The following MAPK10 variants were observed in gnomAD, a reference collection of about 807,000 sequenced individuals.
MAPK10 encodes the protein JNK3 alpha protein kinase.
Under a neutral mutation model 59.3 loss-of-function variants are expected in MAPK10, and 25 were observed. The ratio of observed to expected loss-of-function variants is 0.42; its 90% CI spans 0.31 to 0.59. The LOEUF (loss-of-function observed/expected upper bound fraction) is 0.59, where lower values mean the gene tolerates loss of function less well. MAPK10 is among the 20% of genes least tolerant of loss of function. The pLI is 0.15. For missense variants in MAPK10, 351 were observed against 568.9 expected (o/e 0.62, Z 3.90); for synonymous variants, 190 against 200.5 (o/e 0.95, Z 0.44).
chr4:86,123,642 A>T (rs1414843778), intron 4 of MAPK10: 2 of 152,058 alleles, frequency 1.3e-5, no homozygotes, highest in Non-Finnish European at 2.9e-5. Context: ...ATTGGATTAC[A>T]ATCAATATGC....
chr4:86,031,492 C>A (rs1312354435), intron 11 of MAPK10, 61 bp from the exon 12 acceptor site: 10 of 1,172,364 alleles, frequency 8.5e-6, no homozygotes, highest in Admixed American at 5.2e-5. Flanking sequence ...TAAACTCTTA[C>A]AATGCACGAG....
chr4:86,393,360 C>A (rs1742489824), intron 1 of MAPK10, among the ~76,000 whole-genome samples: 1 of 150,196 alleles, frequency 6.7e-6, no homozygotes, highest in African/African-American at 2.5e-5. Context: ...AGGAAAATAA[C>A]TATTGTAAAC....
upstream of MAPK10, among the ~76,000 whole-genome samples, chr4:86,455,739 G>T (rs1751169323): frequency 6.6e-6 from 1 of 152,104 alleles, no homozygotes; most frequent in African/African-American, 2.4e-5. Context: ...GACAGCACTA[G>T]ACAGGACATC....
intron 1 of MAPK10, among the ~76,000 whole-genome samples, chr4:86,541,501 A>G (rs1033533218): frequency 2.0e-5 from 3 of 152,188 alleles, no homozygotes; most frequent in African/African-American, 7.2e-5. Context: ...TAGAAAGGAA[A>G]AATCTTGAGA....
intron 1 of MAPK10, among the ~76,000 whole-genome samples, chr4:86,584,967 T>C (rs909531939): frequency 1.3e-5 from 2 of 152,218 alleles, no homozygotes; most frequent in Non-Finnish European, 2.9e-5. Context: ...CCAGGACTTT[T>C]ATCTAACACT....
At chr4:86,192,040 G>A (rs1434686494) in intron 3 of MAPK10, 1 of 152,068 alleles carries the variant, frequency 6.6e-6, no homozygotes, top group African/African-American at 2.4e-5. Flanking sequence ...AGCTTAATTT[G>A]GCTGGATATG....
At chr4:86,573,954 T>C (rs1419982171) in intron 1 of MAPK10, among the ~76,000 whole-genome samples, 1 of 152,222 alleles carries the variant, frequency 6.6e-6, no homozygotes, top group South Asian at 2.1e-4. Flanking sequence ...GTGCACAATG[T>C]GCAGGTTAGT....
intron 3 of MAPK10, among the ~76,000 whole-genome samples, chr4:86,179,733 A>G (rs1397505499): frequency 6.6e-6 from 1 of 152,156 alleles, no homozygotes; most frequent in African/African-American, 2.4e-5. Context: ...AGCTACCAAG[A>G]ACATACATTG....
intron 11 of MAPK10, chr4:86,040,874 C>G (rs2148938857): frequency 6.6e-6 from 1 of 152,142 alleles, no homozygotes; most frequent in South Asian, 2.1e-4. Context: ...ATACTGTACC[C>G]CACAAAGTTG....
At chr4:86,515,784 G>A (rs200062630) in intron 1 of MAPK10, among the ~76,000 whole-genome samples, 1 of 151,944 alleles carries the variant, frequency 6.6e-6, no homozygotes, top group Non-Finnish European at 1.5e-5. Flanking sequence ...CTACTCTGCG[G>A]GTTGTCTGTT....
At chr4:86,387,709 G>T (rs1383313696) in intron 1 of MAPK10, among the ~76,000 whole-genome samples, 1 of 152,118 alleles carries the variant, frequency 6.6e-6, no homozygotes, top group African/African-American at 2.4e-5. Context: ...GAAGAAAAAA[G>T]ACAGCAATGA....
In MAPK10 at chr4:86,400,436, T is replaced by C. The variant is rs1483723505; in HGVS notation, c.-121-45792A>G. On this transcript the variant is annotated intron_variant, in intron 1 of 13. Coordinates refer to the MAPK10 transcript ENST00000361569. Reference sequence around the variant, plus strand: ...TGGTTCCTCTCTCTCTTTCTCTCTCTCCCTCTCTCTCTCTTTCTCTCTCTC... The same window carrying C: ...TGGTTCCTCTCTCTCTTTCTCTCTCCCCCTCTCTCTCTCTTTCTCTCTCTC... Among the ~76,000 whole-genome samples the C allele has an allele frequency of 4.0e-5, 6 of 151,830 alleles. No homozygotes were observed. In the East Asian group the frequency reaches 7.7e-4, roughly 20 times the overall value.
chr4:86,508,096 C>T (rs76103540), intron 1 of MAPK10, among the ~76,000 whole-genome samples: 7,360 of 152,154 alleles, frequency 0.048, 238 homozygotes, highest in African/African-American at 0.061. Flanking sequence ...TGAACACACA[C>T]ATAGTTTACT....
In MAPK10 at chr4:86,015,924, G is replaced by A. The variant is rs1743142314; in HGVS notation, c.*1304C>T. ...CAAATGCTAACCTGAGACTCACACT[G>A]TGGTTTGGGGGTTTCATTATTATTA... On this transcript the variant is annotated 3_prime_UTR_variant, in exon 14 of 14. Coordinates refer to ENST00000641462, the MANE Select transcript of MAPK10 (RefSeq NM_138982.4). 1.3e-5 allele frequency: 2 copies of A among 152,148 alleles called. No homozygotes were observed. The highest frequency in any genetic ancestry group is 4.8e-5 in the African/African-American group (2 of 41,434). 9.4% of individuals were successfully genotyped at this position (152,148 alleles called of 1,614,324 possible). A position where few individuals can be genotyped will look rare whatever the true frequency, so the allele number is the denominator to read the frequency against.
intron 1 of MAPK10, among the ~76,000 whole-genome samples, chr4:86,509,487 A>C (rs935714407): frequency 4.6e-5 from 7 of 152,022 alleles, no homozygotes; most frequent in South Asian, 2.1e-4. Flanking sequence ...ACAAAAAAAA[A>C]CCTGCCAAAA....
chr4:86,518,399 C>A (rs571901815), intron 1 of MAPK10, among the ~76,000 whole-genome samples: 1 of 152,204 alleles, frequency 6.6e-6, no homozygotes, highest in African/African-American at 2.4e-5. Context: ...AATTTGTGCA[C>A]ATAAAGGTGT....
intron 9 of MAPK10, among the ~76,000 whole-genome samples, chr4:86,075,829 G>A (rs1281380462): frequency 6.6e-6 from 1 of 152,174 alleles, no homozygotes; most frequent in East Asian, 1.9e-4. Context: ...AGTCTGCAGA[G>A]GTTACTGCTG....
At chr4:86,493,251 G>A (rs1253826484) in intron 1 of MAPK10, among the ~76,000 whole-genome samples, 1 of 152,156 alleles carries the variant, frequency 6.6e-6, no homozygotes, top group Non-Finnish European at 1.5e-5. Context: ...TGCCTGATTT[G>A]CGAATCGTTC....
chr4:86,072,804 A>C (rs2048328428), intron 9 of MAPK10, among the ~76,000 whole-genome samples: 1 of 90,406 alleles, frequency 1.1e-5, no homozygotes, highest in Non-Finnish European at 2.1e-5. Flanking sequence ...CCAGTATTTT[A>C]TTGAGGATTT....
Sources: gnomAD v4.1 joint callset for allele counts (sites outside exome capture counted in the v4.1 genomes callset) on GRCh38, gnomAD v4.1.1 for gene constraint, MANE v1.5 for transcripts, NCBI Gene and HGNC (gene_info 2026-07-23, HGNC 2026-07-21) for gene names.